MAPKAP1: variants seen among roughly 807,000 people sequenced by gnomAD.
The protein encoded by MAPKAP1 is target of rapamycin complex 2 subunit MAPKAP1.
Under a neutral mutation model 65.7 loss-of-function variants are expected in MAPKAP1, and 20 were observed. The ratio of observed to expected loss-of-function variants is 0.30; its 90% CI spans 0.21 to 0.44. The LOEUF (loss-of-function observed/expected upper bound fraction) is 0.44. Ranked by LOEUF, MAPKAP1 falls within the 20% of genes least tolerant of loss-of-function variation. The probability of loss-of-function intolerance (pLI) is 1.00; values close to 1 mark genes in which losing one functional copy is unlikely to be tolerated. For synonymous variants in MAPKAP1, 222 were observed against 244.3 expected (o/e 0.91, Z 0.85); for missense variants, 423 against 648.0 (o/e 0.65, Z 3.77).
intron 10 of MAPKAP1, 109 bp from the exon 11 acceptor site, chr9:125,444,707 G>A (rs1352569340): frequency 5.5e-5 from 39 of 703,660 alleles, no homozygotes; most frequent in Non-Finnish European, 7.8e-5. Context: ...AGTGGAGGCT[G>A]AGCAGCACCT....
At chr9:125,503,042 C>T (rs988504022) in intron 8 of MAPKAP1, among the ~76,000 whole-genome samples, 1 of 152,114 alleles carries the variant, frequency 6.6e-6, no homozygotes, top group Admixed American at 6.5e-5. Context: ...CGTATTCTGC[C>T]TCATGTTAAT....
At chr9:125,554,505 TAG>T (rs1344691412) in intron 6 of MAPKAP1, among the ~76,000 whole-genome samples, 2 of 152,082 alleles carry the variant, frequency 1.3e-5, no homozygotes, top group African/African-American at 4.8e-5. Context: ...AAACGTAAAG[TAG>T]AGTTTTCTAG....
At chr9:125,475,898 T>C (rs942254386) in intron 9 of MAPKAP1, among the ~76,000 whole-genome samples, 4 of 152,134 alleles carry the variant, frequency 2.6e-5, no homozygotes, top group South Asian at 2.1e-4. Context: ...GGAGCTCAGG[T>C]GCCAAAGATG....
At chr9:125,646,978 C>A (rs942445916) in intron 4 of MAPKAP1, among the ~76,000 whole-genome samples, 1 of 152,190 alleles carries the variant, frequency 6.6e-6, no homozygotes, top group Non-Finnish European at 1.5e-5. Context: ...GGAAAGACAG[C>A]GCCTTATACA....
chr9:125,457,241 G>C (rs1281141734), intron 10 of MAPKAP1, among the ~76,000 whole-genome samples: 3 of 152,030 alleles, frequency 2.0e-5, no homozygotes. Flanking sequence ...TACCCACCTC[G>C]GCCTCCCAAA....
Position 125,624,572 on chromosome 9 carries a change from G to A in MAPKAP1, c.498+33079C>T, listed in dbSNP as rs1833033668. Among the ~76,000 whole-genome samples, 2 of 58,070 alleles carry A rather than the reference G, an allele frequency of 3.4e-5. 1 individual carries two copies. Among genetic ancestry groups the A allele is most frequent in the Non-Finnish European group, 7.6e-5 (2 of 26,410 alleles). 38.1% of individuals were successfully genotyped at this position (58,070 alleles called of 152,430 possible). On this transcript the variant is annotated intron_variant, in intron 4 of 11. Coordinates refer to ENST00000265960, the MANE Select transcript of MAPKAP1 (RefSeq NM_001006617.3). ...GTCCGGGAGGGAGGTGGGGGGTTCAGCCCCCCGCCCGGCCAGCCGCCCCGT... is the reference window on the plus strand; with the variant it reads ...GTCCGGGAGGGAGGTGGGGGGTTCAACCCCCCGCCCGGCCAGCCGCCCCGT...
At chr9:125,570,142 G>A (rs1250444142) in intron 5 of MAPKAP1, among the ~76,000 whole-genome samples, 1 of 151,436 alleles carries the variant, frequency 6.6e-6, no homozygotes, top group Non-Finnish European at 1.5e-5. Context: ...ATACAAAGAA[G>A]ATTACAAAGA....
intron 7 of MAPKAP1, among the ~76,000 whole-genome samples, chr9:125,532,258 T>C (rs978018126): frequency 7.2e-5 from 11 of 152,236 alleles, no homozygotes; most frequent in African/African-American, 2.4e-4. Context: ...AAAAAAGAGA[T>C]AATGCCCATC....
intron 10 of MAPKAP1, among the ~76,000 whole-genome samples, chr9:125,459,849 ACCGTG>A (rs879823847): frequency 0.017 from 359 of 21,100 alleles, 1 homozygote; most frequent in African/African-American, 0.036. Context: ...GGAGAGGGAG[ACCGTG>A]GGGAGAGGGA....
At chr9:125,578,141 G>T (rs575216) in intron 5 of MAPKAP1, among the ~76,000 whole-genome samples, 136,369 of 151,998 alleles carry the variant, frequency 0.9, 61,967 homozygotes, top group East Asian at 1. Context: ...CCCCCAACCC[G>T]GTGCTCTCTG....
intron 10 of MAPKAP1, among the ~76,000 whole-genome samples, chr9:125,455,512 T>A (rs545186324): frequency 2.6e-5 from 4 of 152,196 alleles, no homozygotes; most frequent in South Asian, 2.1e-4. Context: ...AGAAAAAAAA[T>A]TTCACATTTT....
At chr9:125,684,173 T>C (rs138066880) in intron 1 of MAPKAP1, among the ~76,000 whole-genome samples, 21 of 152,324 alleles carry the variant, frequency 1.4e-4, no homozygotes, top group Admixed American at 6.5e-4. Context: ...TTCATTAAGG[T>C]ATAAATCTCT....
At chr9:125,651,004 T>C (rs1833877056) in intron 4 of MAPKAP1, among the ~76,000 whole-genome samples, 2 of 152,172 alleles carry the variant, frequency 1.3e-5, no homozygotes, top group South Asian at 2.1e-4. Context: ...TCTTGCTCTG[T>C]CACCTAGGCT....
At chr9:125,609,906 A>T (rs549530310) in intron 4 of MAPKAP1, among the ~76,000 whole-genome samples, 19 of 152,292 alleles carry the variant, frequency 1.2e-4, no homozygotes, top group African/African-American at 4.6e-4. Flanking sequence ...CTCTCTTTTG[A>T]TCTTCAAAAC....
At chr9:125,458,673 C>A (rs111659228) in intron 10 of MAPKAP1, among the ~76,000 whole-genome samples, 3 of 150,520 alleles carry the variant, frequency 2.0e-5, no homozygotes, top group South Asian at 2.1e-4. Context: ...ACCCCTCCCC[C>A]CTTTCTATTC....
At chr9:125,513,829 C>G (rs1037835619) in intron 7 of MAPKAP1, among the ~76,000 whole-genome samples, 1 of 152,144 alleles carries the variant, frequency 6.6e-6, no homozygotes, top group Non-Finnish European at 1.5e-5. Context: ...CTCTTTCCCT[C>G]GTGTGTCCAA....
chr9:125,481,428 CT>C (rs1021461765), intron 9 of MAPKAP1, among the ~76,000 whole-genome samples: 6 of 152,060 alleles, frequency 3.9e-5, no homozygotes, highest in African/African-American at 7.2e-5. Context: ...TATTGGGCTT[CT>C]TTTTTTCCTT....
chr9:125,571,468 G>A (rs1831228512), intron 5 of MAPKAP1, among the ~76,000 whole-genome samples: 1 of 152,172 alleles, frequency 6.6e-6, no homozygotes, highest in Admixed American at 6.5e-5. Flanking sequence ...CTCTTATGAA[G>A]AGCTGGAATG....
chr9:125,507,334 T>C (rs1564535428), intron 7 of MAPKAP1, among the ~76,000 whole-genome samples: 1 of 152,218 alleles, frequency 6.6e-6, no homozygotes, highest in East Asian at 1.9e-4. Flanking sequence ...ATTAGAGGCA[T>C]AAGAAACTGT....
Sources: gnomAD v4.1 joint callset for allele counts (sites outside exome capture counted in the v4.1 genomes callset) on GRCh38, gnomAD v4.1.1 for gene constraint, MANE v1.5 for transcripts, NCBI Gene and HGNC (gene_info 2026-07-23, HGNC 2026-07-21) for gene names.